Variants in FGF12 observed in about 807,000 individuals in gnomAD.
FGF12 encodes the protein fibroblast growth factor 12.
Under a neutral mutation model 23.6 loss-of-function variants are expected in FGF12, and 14 were observed. That is an observed-to-expected ratio of 0.59 (90% CI 0.39 to 0.93). The LOEUF (loss-of-function observed/expected upper bound fraction) is 0.93. Among genes scored for constraint, FGF12 ranks in the 40% least tolerant of loss-of-function variants. The pLI is 0.00. For missense variants in FGF12, 175 were observed against 217.8 expected (o/e 0.80, Z 1.24); for synonymous variants, 62 against 77.3 (o/e 0.80, Z 1.04).
chr3:192,339,949 G>A (rs1717615604), intron 3 of FGF12, among the ~76,000 whole-genome samples: 1 of 152,090 alleles, frequency 6.6e-6, no homozygotes. Context: ...TTTCTTGTTA[G>A]AATGAAAGTT....
chr3:192,580,063 G>C (rs1713069252), intron 2 of FGF12, among the ~76,000 whole-genome samples: 1 of 152,192 alleles, frequency 6.6e-6, no homozygotes, highest in Non-Finnish European at 1.5e-5. Flanking sequence ...ATCTGGGAGG[G>C]AGGCAGACTA....
Position 192,433,020 on chromosome 3 carries a change from C to G in FGF12, c.14-72482G>C, listed in dbSNP as rs189582701. Among the ~76,000 whole-genome samples, 88 of 152,254 alleles carry G rather than the reference C, an allele frequency of 5.8e-4. 1 individual carries two copies. Among genetic ancestry groups the G allele is most frequent in the Middle Eastern group, 6.8e-3 (2 of 294 alleles). ...TTCTAGGGAATGGTACCCTTCAGAT[C>G]GTCAAACGTGAGAATCCAGCTGTCA... On this transcript the variant is annotated intron_variant, in intron 2 of 5. Transcript: ENST00000445105.
chr3:192,718,506 C>T lies in FGF12; in HGVS notation c.13+8675G>A, dbSNP rs141379052. Among the ~76,000 whole-genome samples the T allele has an allele frequency of 5.6e-4, 85 of 152,234 alleles. 1 individual carries two copies. The East Asian group carries it at 0.016, about 29-fold the overall frequency. On this transcript the variant is annotated intron_variant, in intron 2 of 5. Transcript: ENST00000445105. Reference sequence around the variant, plus strand: ...TGAAAAGAATCTTGCCTCTAATCCACTCTTGTTTTGCAGATGAAGAACAAG... The same window carrying T: ...TGAAAAGAATCTTGCCTCTAATCCATTCTTGTTTTGCAGATGAAGAACAAG...
intron 5 of FGF12, among the ~76,000 whole-genome samples, chr3:192,144,921 C>T (rs966415891): frequency 6.6e-6 from 1 of 152,162 alleles, no homozygotes. Flanking sequence ...GTGAAATAGA[C>T]AAATGTGACT....
At chr3:192,287,437 C>T (rs1403037) in intron 4 of FGF12, among the ~76,000 whole-genome samples, 57,102 of 151,850 alleles carry the variant, frequency 0.38, 11,857 homozygotes, top group East Asian at 0.9. Context: ...GTTAACAGTC[C>T]GTGAAATTTA....
chr3:192,722,401 G>A (rs574625863), intron 2 of FGF12, among the ~76,000 whole-genome samples: 1 of 152,300 alleles, frequency 6.6e-6, no homozygotes, highest in South Asian at 2.1e-4. Flanking sequence ...CTCTGCTGCA[G>A]AGTAAATCAT....
intron 5 of FGF12, among the ~76,000 whole-genome samples, chr3:192,155,406 A>T (rs1382150200): frequency 6.6e-6 from 1 of 152,190 alleles, no homozygotes; most frequent in Non-Finnish European, 1.5e-5. Context: ...AATCTAGCTG[A>T]AGTCCCACTG....
intron 2 of FGF12, among the ~76,000 whole-genome samples, chr3:192,648,608 C>T (rs1050410938): frequency 4.0e-5 from 6 of 151,800 alleles, no homozygotes; most frequent in African/African-American, 1.5e-4. Context: ...TCATTCTTCT[C>T]CAACTAGATA....
At chr3:192,675,299 G>GC (rs1483159488) in intron 2 of FGF12, among the ~76,000 whole-genome samples, 2 of 143,272 alleles carry the variant, frequency 1.4e-5, no homozygotes, top group African/African-American at 5.2e-5. Flanking sequence ...TTCAAAGTAA[G>GC]CAAAAAAAAA....
intron 2 of FGF12, among the ~76,000 whole-genome samples, chr3:192,681,324 C>T (rs1480042220): frequency 6.6e-6 from 1 of 152,184 alleles, no homozygotes; most frequent in East Asian, 1.9e-4. Context: ...ACTAAGTTTC[C>T]ACTCTGAGTG....
At chr3:192,302,350 C>CAGTT (rs1171029049) in intron 4 of FGF12, among the ~76,000 whole-genome samples, 3 of 152,122 alleles carry the variant, frequency 2.0e-5, no homozygotes, top group African/African-American at 7.2e-5. Context: ...GGATTGGAGG[C>CAGTT]AGTTAATATA....
intron 4 of FGF12, among the ~76,000 whole-genome samples, chr3:192,236,077 A>C (rs1719278653): frequency 6.6e-6 from 1 of 152,160 alleles, no homozygotes; most frequent in Admixed American, 6.5e-5. Context: ...CATCAGTTTC[A>C]AAGAAATTTT....
At chr3:192,322,660 T>C (rs1018827283) in intron 4 of FGF12, among the ~76,000 whole-genome samples, 4 of 152,044 alleles carry the variant, frequency 2.6e-5, no homozygotes, top group Non-Finnish European at 5.9e-5. Context: ...TGCAGACCAA[T>C]GTATGAACAG....
intron 2 of FGF12, among the ~76,000 whole-genome samples, chr3:192,661,587 T>A (rs1376255690): frequency 2.0e-5 from 3 of 152,056 alleles, no homozygotes; most frequent in African/African-American, 7.2e-5. Context: ...AGGTGAAAGA[T>A]ATGAAAGGGA....
intron 2 of FGF12, among the ~76,000 whole-genome samples, chr3:192,615,193 C>T (rs1310436090): frequency 1.3e-5 from 2 of 151,698 alleles, no homozygotes; most frequent in African/African-American, 4.8e-5. Flanking sequence ...ATAATATAAA[C>T]CTTTTAAAAA....
chr3:192,272,531 A>G (rs1713512414), intron 4 of FGF12, among the ~76,000 whole-genome samples: 1 of 152,206 alleles, frequency 6.6e-6, no homozygotes, highest in Non-Finnish European at 1.5e-5. Context: ...CTAAATGAAT[A>G]TAAATCCTCA....
chr3:192,159,944 G>GTA (rs1714772055), intron 5 of FGF12, among the ~76,000 whole-genome samples: 1 of 5,748 alleles, frequency 1.7e-4, no homozygotes, highest in Non-Finnish European at 3.7e-4. Flanking sequence ...TATTTAAGTA[G>GTA]TGTGTGTGTG....
rs1438290176 is a variant in FGF12, at chr3:192,664,597, AAAAAATAC to A, written c.13+62576_13+62583del. 3.5e-4 allele frequency among the ~76,000 whole-genome samples: 50 copies of A among 141,420 alleles called. 4 individuals are homozygous for A. The highest frequency in any genetic ancestry group is 1.1e-3 in the Admixed American group (16 of 14,428). The allele number at this position is 141,420 out of a possible 152,430, so 92.8% of individuals were successfully genotyped here. ...AACCCTGTCTCTACTAAAAATACAA[AAAAAATAC>A]AAAAAAAAAAAAAAGCTGGGCATGG... On this transcript the variant is annotated intron_variant, in intron 2 of 5. Coordinates refer to ENST00000445105, the MANE Select transcript of FGF12 (RefSeq NM_004113.6).
chr3:192,240,791 A>T (rs1560030233), intron 4 of FGF12, among the ~76,000 whole-genome samples: 1 of 152,128 alleles, frequency 6.6e-6, no homozygotes. Context: ...TGTTATTTGT[A>T]ATTTTTTATT....
Sources: gnomAD v4.1 joint callset for allele counts (sites outside exome capture counted in the v4.1 genomes callset) on GRCh38, gnomAD v4.1.1 for gene constraint, MANE v1.5 for transcripts, NCBI Gene and HGNC (gene_info 2026-07-23, HGNC 2026-07-21) for gene names.